The following NAT10 variants were observed in gnomAD, a reference collection of about 807,000 sequenced individuals.
NAT10 encodes the protein N-acetyltransferase 10, also known as RNA cytidine acetyltransferase.
A neutral mutation model predicts 132.2 loss-of-function variants in NAT10; 109 were observed. That is an observed-to-expected ratio of 0.82 (90% CI 0.71 to 0.97). The LOEUF (loss-of-function observed/expected upper bound fraction) is 0.97. Among genes scored for constraint, NAT10 ranks in the 50% least tolerant of loss-of-function variants. NAT10 has a pLI of 0.00. For missense variants in NAT10, 1,184 were observed against 1,263.4 expected (o/e 0.94, Z 0.95); for synonymous variants, 479 against 478.0 (o/e 1.00, Z -0.03).
At chr11:34,119,980 T>A (rs559188006) in intron 8 of NAT10, among the ~76,000 whole-genome samples, 2 of 152,334 alleles carry the variant, frequency 1.3e-5, no homozygotes, top group East Asian at 3.9e-4. Flanking sequence ...CTCTACACCC[T>A]CGCAGCCGTG....
At position 34,121,790 on chromosome 11, in the gene NAT10, G is replaced by A. The variant is rs189173421; in HGVS notation, c.781-669G>A. Among the ~76,000 whole-genome samples the A allele has an allele frequency of 3.6e-3, 530 of 148,478 alleles. 1 individual carries two copies. The highest frequency in any genetic ancestry group is 5.9e-3 in the Non-Finnish European group (401 of 67,476). On this transcript the variant is annotated intron_variant, in intron 8 of 28. Transcript: ENST00000257829. The stretch of plus-strand genomic sequence containing the variant: ...CAGGAGAATCACTTGAACCCAGGAG[G>A]TGGAGGTTGAAGTGAGCTGAGATCA...
chr11:34,133,149 G>T lies in NAT10; in HGVS notation c.1734+7G>T, dbSNP rs1465361609. ...AGTGCTTGCTGTTATCCAGGTATAG[G>T]AGCAGAGGCGTCCTTGTGGCAGTGA... On this transcript the variant is annotated splice_region_variant and intron_variant, in intron 16 of 28. Transcript: ENST00000257829. 5 of 1,588,954 alleles carry T rather than the reference G, an allele frequency of 3.1e-6. No individual in the cohort carries two copies. In the East Asian group the frequency reaches 1.1e-4, roughly 36 times the overall value.
At position 34,130,783 on chromosome 11, in the gene NAT10, G is replaced by A. The variant is rs190993130; in HGVS notation, c.1245-30G>A. 2.5e-3 allele frequency: 4,070 copies of A among 1,613,304 alleles called. 4 individuals carry two copies. Among genetic ancestry groups the A allele is most frequent in the Admixed American group, 3.3e-3 (197 of 59,988 alleles). ...TCCTAGACAGTGGATTTGGGACCTT[G>A]TGCCTGATTCCTTTTGCCTTTGTTT... On this transcript the variant is annotated intron_variant, in intron 12 of 28. Coordinates refer to ENST00000257829, the MANE Select transcript of NAT10 (RefSeq NM_024662.3).
At chr11:34,115,986 T>A in intron 6 of NAT10, 102 bp downstream of exon 6, 1 of 1,032,674 alleles carries the variant, frequency 9.7e-7, no homozygotes, top group Non-Finnish European at 1.4e-6. Context: ...GGGAAAGTAG[T>A]ACAATATTCC....
intron 5 of NAT10, among the ~76,000 whole-genome samples, chr11:34,115,031 C>A (rs1432906380): frequency 6.6e-6 from 1 of 152,120 alleles, no homozygotes; most frequent in African/African-American, 2.4e-5. Context: ...TGGTGCACAC[C>A]TGTAATTCCA....
intron 4 of NAT10, among the ~76,000 whole-genome samples, chr11:34,112,601 G>A (rs537386417): frequency 4.3e-4 from 65 of 152,312 alleles, no homozygotes; most frequent in South Asian, 1.5e-3. Context: ...TTTTCCAACC[G>A]GATATAGACC....
Position 34,140,463 on chromosome 11 carries a change from A to T in NAT10, c.2483A>T (p.Tyr828Phe). 1 of 1,614,186 alleles carries T rather than the reference A, an allele frequency of 6.2e-7. No individual in the cohort carries two copies. The highest frequency in any genetic ancestry group is 8.5e-7 in the Non-Finnish European group (1 of 1,180,028). ...TATGACCTGAAGCGGCTGGAGATGT[A>T]TTCACGGAATATGGTGGACTATCAC... ...LPYDLKRLEM[Y>F]SRNMVDYHLI... The change falls in exon 24 of 29, where the codon TAT (tyrosine) becomes TTT (phenylalanine). Residue 828 changes from tyrosine (Y) to phenylalanine (F), a missense_variant. By Grantham distance (22) the Tyr-to-Phe change is conservative. Transcript: ENST00000257829.
chr11:34,129,824 G>T (rs1852072935), intron 12 of NAT10, among the ~76,000 whole-genome samples: 1 of 151,620 alleles, frequency 6.6e-6, no homozygotes, highest in Non-Finnish European at 1.5e-5. Flanking sequence ...TGTCAGGCTG[G>T]TCTCAAACTC....
At chr11:34,112,343 C>A in intron 4 of NAT10, 120 bp downstream of exon 4, 1 of 1,197,970 alleles carries the variant, frequency 8.3e-7, no homozygotes, top group Non-Finnish European at 1.2e-6. Context: ...TTCCCTATGC[C>A]CAAGCATTAT....
At chr11:34,137,752 T>C (rs369413536) in intron 21 of NAT10, among the ~76,000 whole-genome samples, 2 of 152,132 alleles carry the variant, frequency 1.3e-5, no homozygotes, top group East Asian at 1.9e-4. Context: ...TTTAGAGGAA[T>C]GAAGAGGAGG....
At chr11:34,139,606 C>T in intron 23 of NAT10, 111 bp downstream of exon 23, 2 of 906,218 alleles carry the variant, frequency 2.2e-6, no homozygotes, top group Non-Finnish European at 3.5e-6. Flanking sequence ...TGGTTCTAGC[C>T]TGCAGTCACT....
intron 28 of NAT10, among the ~76,000 whole-genome samples, chr11:34,145,329 G>T (rs1852420255): frequency 6.6e-6 from 1 of 152,212 alleles, no homozygotes; most frequent in Non-Finnish European, 1.5e-5. Flanking sequence ...AAAAATACTG[G>T]TAGCTATCAT....
In NAT10 at chr11:34,124,345, T is replaced by G; in HGVS notation, c.1052T>G (p.Phe351Cys). 9 of 1,614,030 alleles carry G rather than the reference T, an allele frequency of 5.6e-6. No homozygotes were observed. The highest frequency in any genetic ancestry group is 7.6e-6 in the Non-Finnish European group (9 of 1,179,962). The change falls in exon 11 of 29, where the codon TTT (phenylalanine) becomes TGT (cysteine). Residue 351 changes from phenylalanine (F) to cysteine (C), a missense_variant. By Grantham distance (205) the Phe-to-Cys change is radical. Transcript: ENST00000257829. ...ATTATCCAGTCTCTAAATCCTGAAT[T>G]TAACAAAGCAGTGATCAGAGTGAAT... ...YEIIQSLNPE[F>C]NKAVIRVNVF... is the part of the protein sequence containing the mutation.
rs1248465381 is a variant in NAT10, at chr11:34,122,610, C to G, written c.914+18C>G. 1 of 1,612,932 alleles carries G rather than the reference C, an allele frequency of 6.2e-7. No homozygotes were observed. Among genetic ancestry groups the G allele is most frequent in the Non-Finnish European group, 8.5e-7 (1 of 1,179,584 alleles). On this transcript the variant is annotated intron_variant, in intron 9 of 28. Transcript: ENST00000257829. ...GCATTTGGGTAAGGGGATTCAGTCC[C>G]CCATCTTTAGGAACTCTGGGCTCTG...
At chr11:34,111,372 G>A (rs535948017) in intron 3 of NAT10, among the ~76,000 whole-genome samples, 1 of 152,348 alleles carries the variant, frequency 6.6e-6, no homozygotes, top group South Asian at 2.1e-4. Flanking sequence ...TAGCTATTAA[G>A]TTAGAGAACT....
At chr11:34,133,169 C>T (rs1188919622) in intron 16 of NAT10, 27 bp downstream of exon 16, 2 of 1,548,810 alleles carry the variant, frequency 1.3e-6, no homozygotes, top group South Asian at 1.1e-5. Flanking sequence ...GTCCTTGTGG[C>T]AGTGATTTGG....
Position 34,134,952 on chromosome 11 carries a change from G to A in NAT10, c.1912-223G>A, listed in dbSNP as rs1242889245. 2.0e-5 allele frequency among the ~76,000 whole-genome samples: 3 copies of A among 152,314 alleles called. No individual in the cohort carries two copies. In the South Asian group the frequency reaches 6.2e-4, roughly 32 times the overall value. ...GCACAGCCATCCTTACCCTCAAGTG[G>A]CTGTTCTTGATGAGCTAGACCAGTG... On this transcript the variant is annotated intron_variant, in intron 18 of 28. Coordinates refer to ENST00000257829, the MANE Select transcript of NAT10 (RefSeq NM_024662.3).
chr11:34,127,392 A>G, intron 11 of NAT10, 71 bp from the exon 12 acceptor site: 1 of 1,416,168 alleles, frequency 7.1e-7, no homozygotes, highest in Non-Finnish European at 9.7e-7. Flanking sequence ...ATCCTTTATG[A>G]TGAGTCGCCA....
chr11:34,117,395 C>T (rs1021427752), intron 6 of NAT10, among the ~76,000 whole-genome samples: 7 of 152,092 alleles, frequency 4.6e-5, no homozygotes, highest in South Asian at 2.1e-4. Flanking sequence ...CGTGGGCATC[C>T]GGTGGGTAGA....
Sources: gnomAD v4.1 joint callset for allele counts (sites outside exome capture counted in the v4.1 genomes callset) on GRCh38, gnomAD v4.1.1 for gene constraint, MANE v1.5 for transcripts, NCBI Gene and HGNC (gene_info 2026-07-23, HGNC 2026-07-21) for gene names.